Variants in ATG7 observed in about 807,000 individuals in gnomAD.
ATG7 encodes ubiquitin-like modifier-activating enzyme ATG7.
ATG7 carries 70 observed loss-of-function variants against 82.4 expected under a neutral mutation model. That is an observed-to-expected ratio of 0.85 (90% CI 0.70 to 1.04). ATG7 has a LOEUF of 1.04. Among genes scored for constraint, ATG7 ranks in the 50% least tolerant of loss-of-function variants. The pLI is 0.00. For missense variants in ATG7, 792 were observed against 864.3 expected, an observed-to-expected ratio of 0.92 and a Z score of 1.05; for synonymous variants, 287 against 313.0, an observed-to-expected ratio of 0.92 and a Z score of 0.88.
intron 19 of ATG7, among the ~76,000 whole-genome samples, chr3:11,404,153 G>A (rs531223888): frequency 1.9e-4 from 17 of 89,450 alleles, no homozygotes; most frequent in Non-Finnish European, 8.6e-5. Context: ...TTTTTTTTGC[G>A]GTAGAGTCTT....
At chr3:11,384,791 C>T (rs1053641152) in intron 19 of ATG7, among the ~76,000 whole-genome samples, 1 of 151,860 alleles carries the variant, frequency 6.6e-6, no homozygotes, top group African/African-American at 2.4e-5. Flanking sequence ...TGAAATCCTG[C>T]CTCTACAAAG....
chr3:11,568,599 A>T, the ATG7 span: 1 of 1,566,054 alleles, frequency 6.4e-7, no homozygotes, highest in East Asian at 2.4e-5. The surrounding 1 kb of genome is among the most constrained non-coding windows in gnomAD (Gnocchi z 5.9). Flanking sequence ...ATTATACATT[A>T]CTCACATTTC....
At chr3:11,376,290 C>T (rs2077411343) in intron 18 of ATG7, among the ~76,000 whole-genome samples, 1 of 152,154 alleles carries the variant, frequency 6.6e-6, no homozygotes, top group Non-Finnish European at 1.5e-5. Flanking sequence ...TACTAAAAAC[C>T]ACTGAGCTGT....
chr3:11,288,496 T>C (rs758169935), intron 3 of ATG7: 1 of 152,222 alleles, frequency 6.6e-6, no homozygotes, highest in Non-Finnish European at 1.5e-5. Context: ...ATCTCTCTCT[T>C]TGTCTTCTTG....
At chr3:11,367,660 A>C (rs1352198748) in intron 18 of ATG7, among the ~76,000 whole-genome samples, 1 of 152,110 alleles carries the variant, frequency 6.6e-6, no homozygotes, top group Non-Finnish European at 1.5e-5. Context: ...AAAAGGCCTG[A>C]TTAGGCCCTG....
At chr3:11,387,759 A>G (rs2078430857) in intron 19 of ATG7, among the ~76,000 whole-genome samples, 1 of 151,988 alleles carries the variant, frequency 6.6e-6, no homozygotes, top group Non-Finnish European at 1.5e-5. Context: ...TCACGAGGTC[A>G]GGAGATTGAG....
At chr3:11,537,648 G>C (rs1405357232) in intron 20 of ATG7, among the ~76,000 whole-genome samples, 1 of 152,166 alleles carries the variant, frequency 6.6e-6, no homozygotes, top group East Asian at 1.9e-4. Flanking sequence ...TCAATCCCAA[G>C]AGGGCTCTCA....
chr3:11,406,813 G>A (rs1392054165), intron 19 of ATG7, among the ~76,000 whole-genome samples: 1 of 152,086 alleles, frequency 6.6e-6, no homozygotes, highest in Non-Finnish European at 1.5e-5. Context: ...AGAGCAGCAT[G>A]GGAAAGACCC....
At chr3:11,320,687 C>T (rs1950102236) in intron 9 of ATG7, among the ~76,000 whole-genome samples, 1 of 152,248 alleles carries the variant, frequency 6.6e-6, no homozygotes, top group Admixed American at 6.5e-5. Context: ...TGATTTCCCA[C>T]CATTGTGTCT....
Position 11,533,163 on chromosome 3 carries a change from G to T in ATG7, c.2080-21648G>T, listed in dbSNP as rs530070833. Reference sequence around the variant, plus strand: ...GGGTCTGAATAATGCCCGGGGCTTGGGAGGCCCCTTTGGCTGGGCACTTTC... The same window carrying T: ...GGGTCTGAATAATGCCCGGGGCTTGTGAGGCCCCTTTGGCTGGGCACTTTC... On this transcript the variant is annotated intron_variant, in intron 20 of 20. Transcript: ENST00000693202. Among the ~76,000 whole-genome samples the T allele has an allele frequency of 3.9e-5, 6 of 152,288 alleles. 1 individual carries two copies. The South Asian group carries it at 1.2e-3, about 32-fold the overall frequency.
At chr3:11,456,372 A>C (rs1479466293) in intron 20 of ATG7, among the ~76,000 whole-genome samples, 1 of 152,158 alleles carries the variant, frequency 6.6e-6, no homozygotes, top group Non-Finnish European at 1.5e-5. Context: ...CATATTGTTT[A>C]TGGATTCATC....
chr3:11,315,209 T>C, intron 8 of ATG7, 135 bp from the exon 9 acceptor site: 1 of 755,162 alleles, frequency 1.3e-6, no homozygotes, highest in Non-Finnish European at 1.9e-6. Context: ...GTTCACTTGC[T>C]GTAATAGAGT....
chr3:11,391,176 AAAG>A (rs1388069388), intron 19 of ATG7, among the ~76,000 whole-genome samples: 15 of 152,224 alleles, frequency 9.9e-5, no homozygotes, highest in African/African-American at 3.6e-4. Context: ...AGTTGACAAA[AAAG>A]GAGGGGAACA....
At chr3:11,576,137 C>A in the ATG7 span, among the ~76,000 whole-genome samples, 1 of 152,228 alleles carries the variant, frequency 6.6e-6, no homozygotes, top group Non-Finnish European at 1.5e-5. Flanking sequence ...CCTGCCCCCA[C>A]GTTAGCAACT....
intron 14 of ATG7, among the ~76,000 whole-genome samples, chr3:11,352,057 T>C (rs1328202881): frequency 6.8e-6 from 1 of 146,022 alleles, no homozygotes; most frequent in Non-Finnish European, 1.5e-5. Flanking sequence ...TGTGTCCAAG[T>C]GTGCTCATTG....
intron 9 of ATG7, among the ~76,000 whole-genome samples, chr3:11,317,739 C>T (rs1250349607): frequency 5.3e-5 from 8 of 151,970 alleles, no homozygotes; most frequent in African/African-American, 1.7e-4. Context: ...ACTACAGGTG[C>T]GCACCATCAT....
At chr3:11,490,408 G>A (rs1262392846) in intron 20 of ATG7, among the ~76,000 whole-genome samples, 4 of 152,170 alleles carry the variant, frequency 2.6e-5, no homozygotes, top group East Asian at 1.9e-4. Flanking sequence ...ACACTGATGA[G>A]TCTTGACTCT....
intron 19 of ATG7, among the ~76,000 whole-genome samples, chr3:11,392,332 A>G (rs1013351170): frequency 2.0e-5 from 3 of 152,084 alleles, no homozygotes; most frequent in Admixed American, 6.5e-5. Flanking sequence ...GAAAATGCAA[A>G]TATTTCTGGT....
chr3:11,497,974 C>G (rs1054970493), intron 20 of ATG7, among the ~76,000 whole-genome samples: 21 of 152,040 alleles, frequency 1.4e-4, no homozygotes, highest in African/African-American at 4.8e-4. Context: ...TAGACGTGAG[C>G]CTTCTTTGGA....
Sources: gnomAD v4.1 joint callset for allele counts (sites outside exome capture counted in the v4.1 genomes callset) on GRCh38, gnomAD v4.1.1 for gene constraint, Gnocchi (gnomAD v3.1) non-coding constraint, MANE v1.5 for transcripts, NCBI Gene and HGNC (gene_info 2026-07-23, HGNC 2026-07-21) for gene names.